Variants in SPINT2 observed in about 807,000 individuals in gnomAD.
SPINT2 encodes kunitz-type protease inhibitor 2.
In SPINT2, 18 loss-of-function variants were observed where a neutral mutation model predicts 30.1. The ratio of observed to expected loss-of-function variants is 0.60; its 90% CI spans 0.41 to 0.89. The LOEUF (loss-of-function observed/expected upper bound fraction) is 0.89. Ranked by LOEUF, SPINT2 falls within the 40% of genes least tolerant of loss-of-function variation. The pLI is 0.00. For missense variants in SPINT2, 276 were observed against 334.3 expected (o/e 0.83, Z 1.36); for synonymous variants, 139 against 137.9 (o/e 1.01, Z -0.05).
intron 4 of SPINT2, chr19:38,289,742 C>T (rs1032956077): frequency 9.0e-6 from 3 of 334,854 alleles, no homozygotes; most frequent in African/African-American, 6.4e-5. Flanking sequence ...TGGCACGTGG[C>T]TCTGCAATTT....
intron 1 of SPINT2, among the ~76,000 whole-genome samples, chr19:38,266,117 C>T (rs1968375334): frequency 6.6e-6 from 1 of 152,136 alleles, no homozygotes; most frequent in Admixed American, 6.5e-5. Context: ...TGTCCAGTTG[C>T]AGGCAATAGA....
chr19:38,277,121 C>A (rs991690955), intron 1 of SPINT2, among the ~76,000 whole-genome samples: 1 of 152,180 alleles, frequency 6.6e-6, no homozygotes, highest in Non-Finnish European at 1.5e-5. Flanking sequence ...ATATACCAGA[C>A]ATGGGGTATT....
intron 4 of SPINT2, chr19:38,289,681 A>G (rs1433206360): frequency 3.6e-6 from 1 of 274,570 alleles, no homozygotes; most frequent in East Asian, 9.6e-5. Context: ...GGATGCCGCC[A>G]GCAGTGGGAA....
chr19:38,288,316 T>A (rs1968667870), intron 3 of SPINT2: 8 of 369,938 alleles, frequency 2.2e-5, no homozygotes, highest in South Asian at 1.8e-4. Context: ...TCTGCTTCCT[T>A]TGCTCCCTGT....
chr19:38,273,973 G>A (rs1013354783), intron 1 of SPINT2, among the ~76,000 whole-genome samples: 3 of 152,188 alleles, frequency 2.0e-5, no homozygotes, highest in Admixed American at 6.5e-5. Flanking sequence ...GCTCACGCCT[G>A]TAATCCCAGC....
intron 1 of SPINT2, 49 bp downstream of exon 1, chr19:38,265,047 T>A: frequency 9.6e-7 from 1 of 1,037,012 alleles, no homozygotes; most frequent in Non-Finnish European, 1.2e-6. Flanking sequence ...GGGCAGAGGC[T>A]CGGGGGTCAA....
chr19:38,280,491 G>A (rs987454798), intron 1 of SPINT2, among the ~76,000 whole-genome samples: 9 of 152,050 alleles, frequency 5.9e-5, no homozygotes, highest in Admixed American at 2.6e-4. Context: ...GTATCATCCC[G>A]TGCGCTGTTA....
At chr19:38,288,100 A>T in intron 3 of SPINT2, 165 bp downstream of exon 3, 1 of 739,852 alleles carries the variant, frequency 1.4e-6, no homozygotes, top group Non-Finnish European at 2.4e-6. Context: ...TGGCTCCAGC[A>T]TCCTTATGGG....
intron 1 of SPINT2, among the ~76,000 whole-genome samples, chr19:38,267,900 A>T (rs1285050637): frequency 6.6e-6 from 1 of 151,996 alleles, no homozygotes; most frequent in Non-Finnish European, 1.5e-5. Context: ...GTGGAGGGAG[A>T]ACAGTCCAGA....
In SPINT2 at chr19:38,264,839, T is replaced by C; in HGVS notation, c.-54T>C. On this transcript the variant is annotated 5_prime_UTR_variant, in exon 1 of 7. Coordinates refer to ENST00000301244, the MANE Select transcript of SPINT2 (RefSeq NM_021102.4). ...GCGTTGAGGGGCTTCCCGCACCTGA[T>C]CGCGAGACCCCAACGGCTGGTGGCG... The C allele has an allele frequency of 2.0e-6, 3 of 1,514,626 alleles. No homozygotes were observed. Among genetic ancestry groups the C allele is most frequent in the Non-Finnish European group, 2.7e-6 (3 of 1,130,420 alleles). The allele number at this position is 1,514,626 out of a possible 1,614,324, so 93.8% of individuals were successfully genotyped here.
intron 2 of SPINT2, among the ~76,000 whole-genome samples, chr19:38,286,242 A>G (rs1007869192): frequency 6.6e-6 from 1 of 152,126 alleles, no homozygotes; most frequent in Admixed American, 6.5e-5. Context: ...GTATTAATTC[A>G]TCATGAGAAC....
chr19:38,288,992 G>A (rs1015994333), intron 3 of SPINT2, 146 bp from the exon 4 acceptor site: 5 of 747,682 alleles, frequency 6.7e-6, no homozygotes, highest in South Asian at 5.8e-5. Context: ...CTGGGGTGAC[G>A]TGGCAGAGCC....
chr19:38,292,016 C>A lies in SPINT2; in HGVS notation c.*10C>A, dbSNP rs775735825. 5 of 1,613,744 alleles carry A rather than the reference C, an allele frequency of 3.1e-6. No homozygotes were observed. The South Asian group carries it at 5.5e-5, about 18-fold the overall frequency. Reference sequence around the variant, plus strand: ...CACATATGTCCTGTGACCGCCCTGTCGCCAAGAGGACTGGGGAAGGGAGGG... The same window carrying A: ...CACATATGTCCTGTGACCGCCCTGTAGCCAAGAGGACTGGGGAAGGGAGGG... On this transcript the variant is annotated 3_prime_UTR_variant, in exon 7 of 7. Coordinates refer to ENST00000301244, the MANE Select transcript of SPINT2 (RefSeq NM_021102.4).
chr19:38,292,385 G>T lies in SPINT2; in HGVS notation c.*379G>T. The T allele has an allele frequency of 5.8e-6, 1 of 172,932 alleles. No individual in the cohort carries two copies. The allele number at this position is 172,932 out of a possible 1,614,324, so 10.7% of individuals were successfully genotyped here. Reference sequence around the variant, plus strand: ...AAGTATAAACAAAAGTTTTTTATTAGCATTCTGAAAGAAGGAAAGTAAAAT... The same window carrying T: ...AAGTATAAACAAAAGTTTTTTATTATCATTCTGAAAGAAGGAAAGTAAAAT... On this transcript the variant is annotated 3_prime_UTR_variant, in exon 7 of 7. Transcript: ENST00000301244.
At chr19:38,279,016 G>A (rs1968550031) in intron 1 of SPINT2, among the ~76,000 whole-genome samples, 1 of 152,048 alleles carries the variant, frequency 6.6e-6, no homozygotes, top group African/African-American at 2.4e-5. Context: ...AATTCAGTTA[G>A]TGAAAGCATG....
Position 38,264,843 on chromosome 19 carries a change from G to T in SPINT2, c.-50G>T. On this transcript the variant is annotated 5_prime_UTR_variant, in exon 1 of 7. Transcript: ENST00000301244. ...TGAGGGGCTTCCCGCACCTGATCGC[G>T]AGACCCCAACGGCTGGTGGCGTCGC... 1 of 1,518,768 alleles carries T rather than the reference G, an allele frequency of 6.6e-7. No homozygotes were observed. Among genetic ancestry groups the T allele is most frequent in the East Asian group, 2.5e-5 (1 of 40,530 alleles). 94.1% of individuals were successfully genotyped at this position (1,518,768 alleles called of 1,614,324 possible).
At chr19:38,267,185 T>C (rs1968389349) in intron 1 of SPINT2, among the ~76,000 whole-genome samples, 1 of 149,396 alleles carries the variant, frequency 6.7e-6, no homozygotes, top group Non-Finnish European at 1.5e-5. Context: ...TACTAGTGTC[T>C]GACTGGGTGA....
intron 4 of SPINT2, 140 bp from the exon 5 acceptor site, chr19:38,289,979 G>C: frequency 1.1e-6 from 1 of 935,746 alleles, no homozygotes; most frequent in South Asian, 1.3e-5. Context: ...CACTGGTCTT[G>C]GGTGTAATTT....
At chr19:38,288,034 T>C in intron 3 of SPINT2, 99 bp downstream of exon 3, 1 of 1,435,120 alleles carries the variant, frequency 7.0e-7, no homozygotes, top group East Asian at 2.3e-5. Flanking sequence ...TTCCCTCTCA[T>C]GGTTCTGTTT....
Sources: gnomAD v4.1 joint callset for allele counts (sites outside exome capture counted in the v4.1 genomes callset) on GRCh38, gnomAD v4.1.1 for gene constraint, MANE v1.5 for transcripts, NCBI Gene and HGNC (gene_info 2026-07-23, HGNC 2026-07-21) for gene names.